PRR16: variants seen among roughly 807,000 people sequenced by gnomAD.
The protein encoded by PRR16 is protein Largen.
PRR16 carries 6 observed loss-of-function variants against 18.2 expected under a neutral mutation model. That is an observed-to-expected ratio of 0.33 (90% CI 0.18 to 0.65). The LOEUF (loss-of-function observed/expected upper bound fraction) is 0.65, where lower values mean the gene tolerates loss of function less well. Ranked by LOEUF, PRR16 falls within the 30% of genes least tolerant of loss-of-function variation. PRR16 has a pLI of 0.74. For synonymous variants in PRR16, 151 were observed against 147.8 expected, an observed-to-expected ratio of 1.02 and a Z score of -0.16; for missense variants, 412 against 376.6, an observed-to-expected ratio of 1.09 and a Z score of -0.78.
the PRR16 span, among the ~76,000 whole-genome samples, chr5:120,756,135 G>T: frequency 1.3e-5 from 2 of 152,160 alleles, no homozygotes; most frequent in Admixed American, 1.3e-4. Context: ...AGAGAATGAA[G>T]TGAAGTTACA....
At chr5:120,743,624 T>G in the PRR16 span, among the ~76,000 whole-genome samples, 1 of 152,176 alleles carries the variant, frequency 6.6e-6, no homozygotes, top group Non-Finnish European at 1.5e-5. Context: ...TATTAATAGT[T>G]TTGTAGCAGA....
intron 1 of PRR16, among the ~76,000 whole-genome samples, chr5:120,540,719 T>C (rs1751886401): frequency 6.6e-6 from 1 of 152,154 alleles, no homozygotes; most frequent in Non-Finnish European, 1.5e-5. Flanking sequence ...CTGCTCAAGG[T>C]CATCACCAAG....
intron 1 of PRR16, among the ~76,000 whole-genome samples, chr5:120,509,053 G>T (rs1210044537): frequency 6.6e-6 from 1 of 152,062 alleles, no homozygotes; most frequent in Non-Finnish European, 1.5e-5. Context: ...TGTAAAATAG[G>T]TTGTTTAGAT....
At chr5:120,499,589 T>TA (rs1750378648) in intron 1 of PRR16, among the ~76,000 whole-genome samples, 2 of 152,174 alleles carry the variant, frequency 1.3e-5, no homozygotes, top group South Asian at 4.1e-4. Context: ...TCCACCACTA[T>TA]AACTTACATT....
chr5:120,581,219 G>C (rs1434127194), intron 1 of PRR16, among the ~76,000 whole-genome samples: 1 of 152,162 alleles, frequency 6.6e-6, no homozygotes, highest in African/African-American at 2.4e-5. Context: ...GGTCTATTCA[G>C]GGATTCAACT....
chr5:120,648,338 A>G (rs929679851), intron 1 of PRR16, among the ~76,000 whole-genome samples: 1 of 152,004 alleles, frequency 6.6e-6, no homozygotes, highest in Non-Finnish European at 1.5e-5. Context: ...AATGTAGGGT[A>G]TTAGCTTTTT....
intron 1 of PRR16, among the ~76,000 whole-genome samples, chr5:120,632,420 T>C (rs931389777): frequency 1.3e-5 from 2 of 152,076 alleles, no homozygotes; most frequent in African/African-American, 4.8e-5. Context: ...AGGTCAATTA[T>C]TGAGCTAATC....
chr5:120,664,829 G>T (rs1756311214), intron 1 of PRR16, among the ~76,000 whole-genome samples: 1 of 145,538 alleles, frequency 6.9e-6, no homozygotes, highest in Non-Finnish European at 1.5e-5. Flanking sequence ...GTGTATATGT[G>T]CCACATTTTC....
In PRR16 at chr5:120,486,567, T is replaced by C. The variant is rs532225470; in HGVS notation, c.159+21922T>C. Among the ~76,000 whole-genome samples, 18 of 152,308 alleles carry C rather than the reference T, an allele frequency of 1.2e-4. No homozygotes were observed. The South Asian group carries it at 3.1e-3, about 26-fold the overall frequency. ...ATTAGCCCTTTGTCAGATGAGTAGATTGCAAAAATGTTCTCCCATTCTGTA... is the reference window on the plus strand; with the variant it reads ...ATTAGCCCTTTGTCAGATGAGTAGACTGCAAAAATGTTCTCCCATTCTGTA... On this transcript the variant is annotated intron_variant, in intron 1 of 1. Coordinates refer to ENST00000407149, the MANE Select transcript of PRR16 (RefSeq NM_001300783.2).
chr5:120,786,752 G>A, the PRR16 span, among the ~76,000 whole-genome samples: 1 of 151,566 alleles, frequency 6.6e-6, no homozygotes, highest in Admixed American at 6.6e-5. Flanking sequence ...TGCTGTCTTT[G>A]GCATTTTTAA....
intron 1 of PRR16, among the ~76,000 whole-genome samples, chr5:120,485,983 C>A (rs903032809): frequency 6.6e-6 from 1 of 152,122 alleles, no homozygotes; most frequent in African/African-American, 2.4e-5. Context: ...ATGAACTCAT[C>A]ATTTCTTATG....
intron 1 of PRR16, among the ~76,000 whole-genome samples, chr5:120,643,606 T>G (rs555245429): frequency 2.4e-4 from 36 of 152,244 alleles, no homozygotes; most frequent in African/African-American, 7.7e-4. Context: ...CCTAAAAGTA[T>G]AACATTGATT....
At position 120,464,642 on chromosome 5, in the gene PRR16, G is replaced by T; in HGVS notation, c.156G>T (p.Lys52Asn). Residue 52 changes from lysine to asparagine, a missense_variant, in exon 1 of 2, where the codon AAG becomes AAT. By Grantham distance (94) the Lys-to-Asn change is moderately conservative. Coordinates refer to ENST00000407149, the MANE Select transcript of PRR16 (RefSeq NM_001300783.2). ...TGAAGGACGTGGCCAAGGAACTTAA[G>T]GAGGTGAGAGGCGCAGGGGTGGGGA... ...GDLKDVAKEL[K>N]EVVDQIDTLT... 1.3e-6 allele frequency: 2 copies of T among 1,558,552 alleles called. No individual in the cohort carries two copies. Among genetic ancestry groups the T allele is most frequent in the Non-Finnish European group, 1.7e-6 (2 of 1,159,428 alleles).
the PRR16 span, among the ~76,000 whole-genome samples, chr5:120,716,693 G>T: frequency 6.6e-6 from 1 of 152,078 alleles, no homozygotes; most frequent in Non-Finnish European, 1.5e-5. Context: ...TGGCCAACAT[G>T]GAGAAACCCC....
chr5:120,499,300 G>A (rs745456592), intron 1 of PRR16, among the ~76,000 whole-genome samples: 19 of 151,750 alleles, frequency 1.3e-4, no homozygotes, highest in African/African-American at 4.6e-4. Flanking sequence ...TAGTAGAGAC[G>A]GGGTTTCTCC....
the PRR16 span, among the ~76,000 whole-genome samples, chr5:120,733,632 G>A: frequency 9.2e-5 from 14 of 151,972 alleles, no homozygotes; most frequent in African/African-American, 3.4e-4. Context: ...CCTATGCCCC[G>A]CTCTCTCAGT....
the PRR16 span, among the ~76,000 whole-genome samples, chr5:120,770,585 C>A: frequency 6.6e-6 from 1 of 151,772 alleles, no homozygotes; most frequent in Admixed American, 6.6e-5. Context: ...CTGTATCACA[C>A]TAAAAATGTT....
intron 1 of PRR16, among the ~76,000 whole-genome samples, chr5:120,502,062 A>G (rs1179186190): frequency 2.0e-5 from 3 of 151,224 alleles, no homozygotes; most frequent in Non-Finnish European, 4.4e-5. Flanking sequence ...ACGTTAATAA[A>G]AGTGTGAATT....
chr5:120,662,522 C>T (rs1283438818), intron 1 of PRR16, among the ~76,000 whole-genome samples: 2 of 152,002 alleles, frequency 1.3e-5, no homozygotes, highest in Admixed American at 6.6e-5. Flanking sequence ...TAGCACAAAA[C>T]GCTCAGGGAA....
Sources: allele counts gnomAD v4.1 joint callset (sites outside exome capture counted in the v4.1 genomes callset), GRCh38; gene constraint gnomAD v4.1.1; transcripts MANE v1.5; gene names NCBI Gene and HGNC (gene_info 2026-07-23, HGNC 2026-07-21).